The following MACF1 variants were observed in gnomAD, a reference collection of about 807,000 sequenced individuals.
The protein encoded by MACF1 is microtubule-actin cross-linking factor 1.
MACF1 carries 193 observed loss-of-function variants against 854.8 expected under a neutral mutation model. The ratio of observed to expected loss-of-function variants is 0.23; its 90% CI spans 0.20 to 0.25. The LOEUF (loss-of-function observed/expected upper bound fraction) is 0.25. Among genes scored for constraint, MACF1 ranks in the 10% least tolerant of loss-of-function variants. The pLI, the probability that MACF1 is intolerant of heterozygous loss-of-function variation, is 1.00. For synonymous variants in MACF1, 3,185 were observed against 3,226.7 expected (o/e 0.99, Z 0.44); for missense variants, 7,722 against 8,929.1 (o/e 0.86, Z 5.45).
intron 2 of MACF1, among the ~76,000 whole-genome samples, chr1:39,196,510 G>T (rs1192965311): frequency 2.0e-5 from 3 of 152,108 alleles, no homozygotes; most frequent in African/African-American, 7.2e-5. Context: ...TCAGGGCCAG[G>T]CTTTGATGTC....
intron 97 of MACF1, among the ~76,000 whole-genome samples, chr1:39,472,184 T>C (rs1644791416): frequency 6.6e-6 from 1 of 152,170 alleles, no homozygotes; most frequent in African/African-American, 2.4e-5. Context: ...GTCAACCAAG[T>C]ACTAGGAATC....
Position 39,310,957 on chromosome 1 carries a change from G to C in MACF1, c.3227G>C (p.Arg1076Thr). 1 of 1,614,194 alleles carries C rather than the reference G, an allele frequency of 6.2e-7. No individual in the cohort carries two copies. The highest frequency in any genetic ancestry group is 2.2e-5 in the East Asian group (1 of 44,892). The change falls in exon 26 of 101, where the codon AGA (arginine) becomes ACA (threonine). Residue 1076 changes from arginine to threonine, a missense_variant. Transcript: ENST00000564288. Reference sequence around the variant, plus strand: ...TCTCTAGCCAGCTCTAGGACTGACAGAGATGCCTGGCAGGACAATGCATTA... The same window carrying C: ...TCTCTAGCCAGCTCTAGGACTGACACAGATGCCTGGCAGGACAATGCATTA... Reference protein sequence around the residue: ...IQSLASSRTDRDAWQDNALRI... With the variant: ...IQSLASSRTDTDAWQDNALRI...
In MACF1 at chr1:39,448,715, G is replaced by A; in HGVS notation, c.20210G>A (p.Gly6737Glu). The A allele has an allele frequency of 6.2e-7, 1 of 1,613,312 alleles. No individual in the cohort carries two copies. The highest frequency in any genetic ancestry group is 8.5e-7 in the Non-Finnish European group (1 of 1,179,562). ...EDSQKLDNFL[G>E]EVRDKWDTVC... Reference sequence around the variant, plus strand: ...AGTCAGAAACTTGACAATTTCCTAGGAGAAGTCAGAGACAAATGGGATACT... The same window carrying A: ...AGTCAGAAACTTGACAATTTCCTAGAAGAAGTCAGAGACAAATGGGATACT... Residue 6737 changes from glycine to glutamate, a missense_variant, in exon 84 of 101, where the codon GGA (glycine) becomes GAA (glutamate). Physicochemically the swap from Gly to Glu is moderately conservative, Grantham distance 98. Around this residue, in one of 15 missense-constraint regions of MACF1, gnomAD observed 729 missense variants for 900.5 expected, o/e 0.81. Transcript: ENST00000564288.
chr1:39,327,830 C>T (rs1161482026), intron 36 of MACF1, among the ~76,000 whole-genome samples: 20 of 152,168 alleles, frequency 1.3e-4, no homozygotes, highest in Admixed American at 1.3e-3. Context: ...CGCTGGTTCC[C>T]CTCACCCATA....
intron 58 of MACF1, among the ~76,000 whole-genome samples, chr1:39,408,193 C>T (rs1219873775): frequency 1.3e-5 from 2 of 152,156 alleles, no homozygotes; most frequent in Non-Finnish European, 2.9e-5. Flanking sequence ...TCCCCACCTC[C>T]CCCAACACCC....
At chr1:39,187,415 G>A (rs1417327611) in intron 2 of MACF1, among the ~76,000 whole-genome samples, 1 of 152,122 alleles carries the variant, frequency 6.6e-6, no homozygotes, top group African/African-American at 2.4e-5. Flanking sequence ...TGGATGGGTT[G>A]CTCTTAAAGC....
intron 58 of MACF1, among the ~76,000 whole-genome samples, chr1:39,408,772 C>G (rs1444786364): frequency 1.3e-5 from 2 of 152,050 alleles, no homozygotes; most frequent in Non-Finnish European, 2.9e-5. Context: ...GCGTTCCCCT[C>G]TGGCCCCGGG....
chr1:39,304,448 C>A, intron 23 of MACF1: 1 of 1,417,668 alleles, frequency 7.1e-7, no homozygotes, highest in African/African-American at 1.4e-5. Context: ...TCCTTTAGAA[C>A]CTGATCCAAC....
rs1388365875 is a variant in MACF1 at position 39,452,067 on chromosome 1, G to A, written c.20419-89G>A. 5.1e-6 allele frequency: 6 copies of A among 1,184,584 alleles called. No individual in the cohort carries two copies. In the Admixed American group the frequency reaches 6.7e-5, roughly 13 times the overall value. The allele number at this position is 1,184,584 out of a possible 1,614,324, so 73.4% of individuals were successfully genotyped here. ...TCTATGCATAAAAGACACATGATTA[G>A]AACCTACCAAGAAAATTATTATTTC... On this transcript the variant is annotated intron_variant, in intron 85 of 100. Transcript: ENST00000564288.
At chr1:39,106,571 G>A (rs1276499027) in intron 2 of MACF1, among the ~76,000 whole-genome samples, 1 of 152,138 alleles carries the variant, frequency 6.6e-6, no homozygotes, top group Non-Finnish European at 1.5e-5. Context: ...GTTTGCTTTG[G>A]CTGGCAGTTA....
At chr1:39,329,567 C>T (rs1368293267) in intron 36 of MACF1, among the ~76,000 whole-genome samples, 1 of 152,070 alleles carries the variant, frequency 6.6e-6, no homozygotes, top group Non-Finnish European at 1.5e-5. Flanking sequence ...CCACAAGATC[C>T]TCTATCAATA....
rs1160246647 is a variant in MACF1 at position 39,422,666 on chromosome 1, G to T, written c.15979-64G>T. ...TTGCAATCTATAATTACTAAAAGAG[G>T]TCAGTAGTAATTTGAAAACTACTTT... On this transcript the variant is annotated intron_variant, in intron 59 of 100. Transcript: ENST00000564288. 6 of 1,560,114 alleles carry T rather than the reference G, an allele frequency of 3.8e-6. No homozygotes were observed. The African/African-American group carries it at 6.8e-5, about 18-fold the overall frequency.
At chr1:39,121,534 C>A (rs934447125) in intron 2 of MACF1, among the ~76,000 whole-genome samples, 1 of 152,204 alleles carries the variant, frequency 6.6e-6, no homozygotes, top group South Asian at 2.1e-4. Context: ...ACTACAACTT[C>A]GCCTCCCGGG....
intron 2 of MACF1, among the ~76,000 whole-genome samples, chr1:39,175,831 C>T (rs1407319139): frequency 6.6e-6 from 1 of 150,734 alleles, no homozygotes; most frequent in Non-Finnish European, 1.5e-5. Flanking sequence ...GGTGCAGTGG[C>T]TCACGCCTGT....
chr1:39,254,998 T>A (rs1213134206), intron 5 of MACF1, among the ~76,000 whole-genome samples: 2 of 151,190 alleles, frequency 1.3e-5, no homozygotes, highest in African/African-American at 4.9e-5. Flanking sequence ...AGGAGGAGTA[T>A]TGGTAGTCAT....
Position 39,434,525 on chromosome 1 carries a change from T to C in MACF1, c.17677T>C (p.Tyr5893His). The change falls in exon 69 of 101, where the codon TAT becomes CAT. Residue 5893 changes from tyrosine to histidine, a missense_variant. Coordinates refer to ENST00000564288, the MANE Select transcript of MACF1 (RefSeq NM_001394062.1). ...QVLVNQFWET[Y>H]EELSPWIEET... Reference sequence around the variant, plus strand: ...CTTAGTAAACCAGTTTTGGGAAACTTATGAAGAGCTCAGCCCCTGGATTGA... The same window carrying C: ...CTTAGTAAACCAGTTTTGGGAAACTCATGAAGAGCTCAGCCCCTGGATTGA... 1 of 1,614,126 alleles carries C rather than the reference T, an allele frequency of 6.2e-7. No homozygotes were observed. Among genetic ancestry groups the C allele is most frequent in the Non-Finnish European group, 8.5e-7 (1 of 1,180,028 alleles).
At chr1:39,268,787 G>T in intron 6 of MACF1, 3 of 1,289,772 alleles carry the variant, frequency 2.3e-6, no homozygotes, top group Non-Finnish European at 3.0e-6. Flanking sequence ...AAAGGGTTCG[G>T]TTCAAAAGGA....
At chr1:39,136,290 A>G (rs1643165187) in intron 2 of MACF1, among the ~76,000 whole-genome samples, 1 of 152,184 alleles carries the variant, frequency 6.6e-6, no homozygotes, top group Non-Finnish European at 1.5e-5. Flanking sequence ...CTGAAGAAAG[A>G]CTGCTATCCA....
chr1:39,432,540 G>C lies in MACF1; in HGVS notation c.17343G>C (p.Glu5781Asp), dbSNP rs1175341053. 1 of 1,613,848 alleles carries C rather than the reference G, an allele frequency of 6.2e-7. No individual in the cohort carries two copies. The highest frequency in any genetic ancestry group is 1.3e-5 in the African/African-American group (1 of 74,910). ...DAAIQRSQQYEQAADAELAWV... is the reference protein window; with the variant it reads ...DAAIQRSQQYDQAADAELAWV... ...TTCTTTAATACGTCTATTAGTATGA[G>C]CAAGCTGCCGATGCAGAACTAGCTT... is the stretch of plus-strand genomic sequence containing the variant. Residue 5781 changes from glutamate (E) to aspartate (D), a missense_variant, in exon 67 of 101, where the codon GAG (glutamate) becomes GAC (aspartate). By Grantham distance (45) the Glu-to-Asp change is conservative. Around this residue, in one of 15 missense-constraint regions of MACF1, gnomAD observed 2,807 missense variants for 3,235.8 expected, o/e 0.87. Coordinates refer to ENST00000564288, the MANE Select transcript of MACF1 (RefSeq NM_001394062.1).
Sources: allele counts gnomAD v4.1 joint callset (sites outside exome capture counted in the v4.1 genomes callset), GRCh38; gene constraint gnomAD v4.1.1; regional missense constraint gnomAD v4.1.1; transcripts MANE v1.5; gene names NCBI Gene and HGNC (gene_info 2026-07-23, HGNC 2026-07-21).